RGS5: variants seen among roughly 807,000 people sequenced by gnomAD.
RGS5 encodes regulator of G-protein signalling 5.
A neutral mutation model predicts 18.9 loss-of-function variants in RGS5; 20 were observed. The observed-to-expected ratio is 1.06, with a 90% confidence interval of 0.74 to 1.54. The LOEUF (loss-of-function observed/expected upper bound fraction) is 1.54. Ranked by LOEUF, RGS5 falls within the 40% of genes most tolerant of loss-of-function variation. RGS5 has a pLI of 0.00. For synonymous variants in RGS5, 57 were observed against 76.2 expected (o/e 0.75, Z 1.31); for missense variants, 201 against 211.8 (o/e 0.95, Z 0.32).
chr1:163,207,739 G>C (rs1478035731), upstream of RGS5, among the ~76,000 whole-genome samples: 1 of 152,122 alleles, frequency 6.6e-6, no homozygotes, highest in East Asian at 1.9e-4. Flanking sequence ...AGTAGAATTA[G>C]ATCATTGATT....
At chr1:163,278,131 C>CA (rs1557928749) in intron 2 of RGS5, among the ~76,000 whole-genome samples, 6 of 151,668 alleles carry the variant, frequency 4.0e-5, no homozygotes, top group Admixed American at 3.3e-4. Context: ...CTGAGTCTTG[C>CA]AAAAAATATA....
chr1:163,274,923 C>A (rs908723175), intron 2 of RGS5, among the ~76,000 whole-genome samples: 1 of 152,090 alleles, frequency 6.6e-6, no homozygotes, highest in African/African-American at 2.4e-5. Context: ...TCAAGACCAG[C>A]CTGGGCAACA....
intron 2 of RGS5, among the ~76,000 whole-genome samples, chr1:163,243,616 C>T (rs1465187231): frequency 3.8e-4 from 49 of 127,318 alleles, no homozygotes; most frequent in African/African-American, 1.5e-3. Context: ...TGCACCCCAG[C>T]CTGGGCGACA....
intron 3 of RGS5, among the ~76,000 whole-genome samples, chr1:163,156,532 G>T (rs1305102802): frequency 6.6e-6 from 1 of 152,080 alleles, no homozygotes; most frequent in Non-Finnish European, 1.5e-5. Context: ...GGGATTGTTT[G>T]CTTCTATATC....
At chr1:163,292,091 T>C (rs1649302581) in intron 2 of RGS5, among the ~76,000 whole-genome samples, 1 of 152,246 alleles carries the variant, frequency 6.6e-6, no homozygotes, top group Admixed American at 6.5e-5. Context: ...CCATGATGGT[T>C]TGCTGCACAG....
At chr1:163,283,690 C>T (rs115830552) in intron 2 of RGS5, among the ~76,000 whole-genome samples, 3,370 of 152,242 alleles carry the variant, frequency 0.022, 42 homozygotes, top group African/African-American at 0.03. Context: ...TAGAGACTCT[C>T]CTAATTCATC....
intron 1 of RGS5, among the ~76,000 whole-genome samples, chr1:163,188,836 C>T (rs1411780870): frequency 6.6e-6 from 1 of 151,676 alleles, no homozygotes; most frequent in Non-Finnish European, 1.5e-5. Context: ...GCCTGTAGTC[C>T]CAGTTAGTTG....
Position 163,186,561 on chromosome 1 carries a change from A to C in RGS5, c.44+16231T>G, listed in dbSNP as rs559711068. On this transcript the variant is annotated intron_variant, in intron 1 of 4. Coordinates refer to ENST00000313961, the MANE Select transcript of RGS5 (RefSeq NM_003617.4). ...ACCACTGCACTCCAGCCTGGGCGAC[A>C]GAGCGAGACTCTGTCTCAAAAAAAA... 6.1e-4 allele frequency among the ~76,000 whole-genome samples: 83 copies of C among 136,424 alleles called. 2 individuals are homozygous for C. The highest frequency in any genetic ancestry group is 1.8e-3 in the African/African-American group (66 of 36,872). 89.5% of individuals were successfully genotyped at this position (136,424 alleles called of 152,430 possible). A position where few individuals can be genotyped will look rare whatever the true frequency, so the allele number is the denominator to read the frequency against.
chr1:163,245,938 G>A (rs542049319), intron 2 of RGS5, among the ~76,000 whole-genome samples: 15 of 152,340 alleles, frequency 9.8e-5, no homozygotes, highest in Admixed American at 7.2e-4. Context: ...ATACCAGTCC[G>A]GGGGCTGTGG....
At chr1:163,172,232 G>C (rs1658334526) in intron 1 of RGS5, among the ~76,000 whole-genome samples, 1 of 152,166 alleles carries the variant, frequency 6.6e-6, no homozygotes, top group South Asian at 2.1e-4. Flanking sequence ...AAACAAACAA[G>C]AGATAAAACT....
intron 1 of RGS5, among the ~76,000 whole-genome samples, chr1:163,170,473 T>A (rs546567654): frequency 3.3e-5 from 5 of 152,234 alleles, no homozygotes; most frequent in Admixed American, 6.5e-5. Context: ...CCAAATAGGA[T>A]TTTACTATTG....
intron 1 of RGS5, chr1:163,210,918 A>G (rs1283257785): frequency 6.6e-6 from 1 of 152,178 alleles, no homozygotes; most frequent in East Asian, 1.9e-4. Flanking sequence ...ACCTGGTCAT[A>G]TGTTGGTGTC....
intron 1 of RGS5, among the ~76,000 whole-genome samples, chr1:163,175,625 C>T (rs1029078864): frequency 1.3e-5 from 2 of 152,164 alleles, no homozygotes; most frequent in Admixed American, 1.3e-4. Context: ...ATCATTTTGG[C>T]ATCTACCATC....
intron 2 of RGS5, among the ~76,000 whole-genome samples, chr1:163,261,727 T>C (rs1312446641): frequency 6.6e-6 from 1 of 152,220 alleles, no homozygotes; most frequent in Non-Finnish European, 1.5e-5. Context: ...TCACAAGCTT[T>C]TTGTCCTTTC....
chr1:163,197,244 A>G (rs1659595108), intron 1 of RGS5, among the ~76,000 whole-genome samples: 7 of 152,060 alleles, frequency 4.6e-5, no homozygotes. Flanking sequence ...GTGCCCGCCC[A>G]TCTCTGGGTC....
At chr1:163,184,418 G>T (rs529502691) in intron 1 of RGS5, among the ~76,000 whole-genome samples, 1 of 148,658 alleles carries the variant, frequency 6.7e-6, no homozygotes, top group Non-Finnish European at 1.5e-5. Context: ...AAAAAAAAAG[G>T]GAAGAACAAT....
chr1:163,292,439 T>C (rs938157855), intron 2 of RGS5, among the ~76,000 whole-genome samples: 1 of 152,220 alleles, frequency 6.6e-6, no homozygotes, highest in Admixed American at 6.5e-5. Flanking sequence ...TTTAGGTTGA[T>C]TCCATGTTTT....
At chr1:163,158,748 G>C (rs1445141868) in intron 3 of RGS5, among the ~76,000 whole-genome samples, 2 of 152,172 alleles carry the variant, frequency 1.3e-5, no homozygotes, top group Non-Finnish European at 2.9e-5. Context: ...AATTAAAATT[G>C]CTAATGAAGT....
chr1:163,211,703 T>C (rs1012766856), intron 1 of RGS5: 1 of 151,990 alleles, frequency 6.6e-6, no homozygotes, highest in Non-Finnish European at 1.5e-5. Flanking sequence ...TAGGATGGAG[T>C]TGGGTTCAGG....
Sources: gnomAD v4.1 joint callset for allele counts (sites outside exome capture counted in the v4.1 genomes callset) on GRCh38, gnomAD v4.1.1 for gene constraint, MANE v1.5 for transcripts, NCBI Gene and HGNC (gene_info 2026-07-23, HGNC 2026-07-21) for gene names.